Variants in ELP1 observed in about 807,000 individuals in gnomAD.
ELP1 encodes elongator complex protein 1.
A neutral mutation model predicts 183.2 loss-of-function variants in ELP1; 131 were observed. That is an observed-to-expected ratio of 0.72 (90% CI 0.62 to 0.83). The LOEUF (loss-of-function observed/expected upper bound fraction) is 0.83. Among genes scored for constraint, ELP1 ranks in the 40% least tolerant of loss-of-function variants. The pLI is 0.00. For missense variants in ELP1, 1,550 were observed against 1,594.9 expected, an observed-to-expected ratio of 0.97 and a Z score of 0.48; for synonymous variants, 555 against 569.0, an observed-to-expected ratio of 0.98 and a Z score of 0.35.
At chr9:108,932,701 C>T (rs528269622) in intron 1 of ELP1, among the ~76,000 whole-genome samples, 10 of 152,184 alleles carry the variant, frequency 6.6e-5, no homozygotes, top group Admixed American at 3.9e-4. Context: ...TGAAATTTCA[C>T]ACCCATCAGC....
At chr9:108,931,286 C>G in intron 1 of ELP1, 85 bp from the exon 2 acceptor site, 3 of 891,702 alleles carry the variant, frequency 3.4e-6, no homozygotes. Context: ...AAGTGGTAGT[C>G]AGAATCAGAA....
intron 34 of ELP1, 40 bp from the exon 35 acceptor site, chr9:108,878,189 C>T: frequency 6.4e-7 from 1 of 1,554,094 alleles, no homozygotes; most frequent in Non-Finnish European, 8.9e-7. Context: ...AGTTATATTC[C>T]CAGCTCCATT....
intron 15 of ELP1, 91 bp from the exon 16 acceptor site, chr9:108,903,033 C>A (rs1480087761): frequency 2.5e-6 from 2 of 807,586 alleles, no homozygotes; most frequent in Non-Finnish European, 4.2e-6. Flanking sequence ...ACTTAACATG[C>A]AATTTCAATC....
At chr9:108,925,092 T>C (rs1829784940) in intron 5 of ELP1, among the ~76,000 whole-genome samples, 1 of 152,132 alleles carries the variant, frequency 6.6e-6, no homozygotes, top group East Asian at 1.9e-4. Flanking sequence ...ACCTTCCTTA[T>C]CTTTCATCTG....
chr9:108,919,442 A>G (rs1384580015), intron 6 of ELP1, 93 bp from the exon 7 acceptor site: 1 of 841,250 alleles, frequency 1.2e-6, no homozygotes, highest in Non-Finnish European at 2.0e-6. Context: ...ATGTTTTTTA[A>G]GAGGTTTAAG....
At chr9:108,893,753 G>GT (rs1828430385) in intron 26 of ELP1, among the ~76,000 whole-genome samples, 190 bp downstream of exon 26, 1 of 152,224 alleles carries the variant, frequency 6.6e-6, no homozygotes, top group Admixed American at 6.5e-5. Flanking sequence ...AGCTCCTCCA[G>GT]TTCATTAAAA....
In ELP1 at chr9:108,882,107, G is replaced by C. The variant is rs1827951168; in HGVS notation, c.3285+18C>G. On this transcript the variant is annotated intron_variant, in intron 30 of 36. Coordinates refer to ENST00000374647, the MANE Select transcript of ELP1 (RefSeq NM_003640.5). ...TCTGCTTAGCACCCAACATCCAGAG[G>C]ATTTACAAGATTCTTACCAGCCTCA... 9 of 1,608,930 alleles carry C rather than the reference G, an allele frequency of 5.6e-6. No homozygotes were observed. The East Asian group carries it at 2.0e-4, about 36-fold the overall frequency.
chr9:108,926,488 G>C (rs1362248268), intron 5 of ELP1, 35 bp downstream of exon 5: 2 of 1,511,628 alleles, frequency 1.3e-6, no homozygotes, highest in Non-Finnish European at 1.8e-6. Flanking sequence ...GGGAAGAAAC[G>C]TAGGTCACAA....
intron 9 of ELP1, 135 bp from the exon 10 acceptor site, chr9:108,916,432 T>C: frequency 1.4e-6 from 1 of 736,150 alleles, no homozygotes; most frequent in Non-Finnish European, 2.4e-6. Context: ...ATCACTAACC[T>C]ACAGAGGCAT....
chr9:108,884,001 A>T (rs1026082651), intron 29 of ELP1, among the ~76,000 whole-genome samples: 11 of 146,066 alleles, frequency 7.5e-5, no homozygotes, highest in African/African-American at 2.5e-4. Context: ...AATTAGATTT[A>T]AAAAAAAAAA....
intron 29 of ELP1, among the ~76,000 whole-genome samples, chr9:108,883,691 T>C (rs1369785727): frequency 6.6e-6 from 1 of 152,100 alleles, no homozygotes; most frequent in African/African-American, 2.4e-5. Flanking sequence ...ACACTATATA[T>C]GAAGTAGTAT....
chr9:108,876,731 C>CA (rs1827719788), intron 35 of ELP1, among the ~76,000 whole-genome samples: 1 of 138,414 alleles, frequency 7.2e-6, no homozygotes, highest in Non-Finnish European at 1.5e-5. Context: ...GATTGGCTGG[C>CA]TTTTTTTTTT....
At position 108,868,849 on chromosome 9, in the gene ELP1, A is replaced by G. The variant is rs935693372; in HGVS notation, c.*266T>C. 1 of 597,882 alleles carries G rather than the reference A, an allele frequency of 1.7e-6. No homozygotes were observed. Among genetic ancestry groups the G allele is most frequent in the African/African-American group, 1.9e-5 (1 of 53,866 alleles). 37.0% of individuals were successfully genotyped at this position (597,882 alleles called of 1,614,324 possible). A position where few individuals can be genotyped will look rare whatever the true frequency, so the allele number is the denominator to read the frequency against. On this transcript the variant is annotated 3_prime_UTR_variant, in exon 37 of 37. Transcript: ENST00000374647. ...ATGATTACCATAATTATGCTCTCAA[A>G]CAGCCCAAGTGAAAGAACAATCATT...
intron 16 of ELP1, among the ~76,000 whole-genome samples, chr9:108,901,997 C>A (rs1828826848): frequency 1.3e-5 from 2 of 152,158 alleles, no homozygotes; most frequent in South Asian, 4.2e-4. Context: ...CTCTTCTGGG[C>A]AGCCAGAATC....
intron 12 of ELP1, among the ~76,000 whole-genome samples, chr9:108,909,819 A>G (rs1350854302): frequency 6.6e-6 from 1 of 152,150 alleles, no homozygotes; most frequent in African/African-American, 2.4e-5. Flanking sequence ...CTATCTCATC[A>G]CAGGGAGTTT....
At position 108,919,327 on chromosome 9, in the gene ELP1, T is replaced by C. The variant is rs1316096023; in HGVS notation, c.575A>G (p.Asp192Gly). 3 of 1,613,658 alleles carry C rather than the reference T, an allele frequency of 1.9e-6. No individual in the cohort carries two copies. Among genetic ancestry groups the C allele is most frequent in the East Asian group, 4.5e-5 (2 of 44,854 alleles). ...CCAGGTAACTTGTGGTCTATGGTCA[T>C]CCCAGGGCAAAGCAGACTCATGCTA... ...MQMHESALPW[D>G]DHRPQVTWRG... The change falls in exon 7 of 37, where the codon GAT (aspartate) becomes GGT (glycine). Residue 192 changes from aspartate to glycine, a missense_variant. Coordinates refer to ENST00000374647, the MANE Select transcript of ELP1 (RefSeq NM_003640.5).
At chr9:108,910,213 A>G (rs1456314067) in intron 12 of ELP1, among the ~76,000 whole-genome samples, 1 of 152,190 alleles carries the variant, frequency 6.6e-6, no homozygotes, top group Admixed American at 6.6e-5. Flanking sequence ...AGCATTTTAC[A>G]CACTGAAACT....
intron 36 of ELP1, among the ~76,000 whole-genome samples, chr9:108,872,639 C>T (rs919062002): frequency 7.3e-5 from 11 of 151,060 alleles, no homozygotes; most frequent in African/African-American, 2.7e-4. Flanking sequence ...CCCGTCTCTA[C>T]TAAAAATACA....
intron 36 of ELP1, 148 bp downstream of exon 36, chr9:108,874,747 G>A (rs189569471): frequency 2.3e-4 from 151 of 645,230 alleles, no homozygotes; most frequent in Non-Finnish European, 3.4e-4. Context: ...CTAAAGATGC[G>A]GTCTTAGAAT....
Sources: allele counts gnomAD v4.1 joint callset (sites outside exome capture counted in the v4.1 genomes callset), GRCh38; gene constraint gnomAD v4.1.1; transcripts MANE v1.5; gene names NCBI Gene and HGNC (gene_info 2026-07-23, HGNC 2026-07-21).